Variants in PDE8A observed in about 807,000 individuals in gnomAD.
The protein encoded by PDE8A is high affinity cAMP-specific and IBMX-insensitive 3',5'-cyclic phosphodiesterase 8A.
A neutral mutation model predicts 105.0 loss-of-function variants in PDE8A; 59 were observed. The ratio of observed to expected loss-of-function variants is 0.56; its 90% CI spans 0.46 to 0.70. The LOEUF is 0.70. Ranked by LOEUF, PDE8A falls within the 30% of genes least tolerant of loss-of-function variation. The pLI, the probability that PDE8A is intolerant of heterozygous loss-of-function variation, is 0.00. For missense variants in PDE8A, 1,014 were observed against 1,045.9 expected (o/e 0.97, Z 0.42); for synonymous variants, 355 against 371.9 (o/e 0.95, Z 0.52).
At chr15:85,124,753 C>T (rs1314197303) in intron 19 of PDE8A, among the ~76,000 whole-genome samples, 2 of 152,198 alleles carry the variant, frequency 1.3e-5, no homozygotes, top group African/African-American at 4.8e-5. Flanking sequence ...TTTATTGGCT[C>T]CTGCCCTGCC....
intron 11 of PDE8A, among the ~76,000 whole-genome samples, chr15:85,103,452 C>T (rs937982493): frequency 3.3e-5 from 5 of 152,204 alleles, no homozygotes; most frequent in African/African-American, 1.2e-4. Flanking sequence ...ACCCCCTTAG[C>T]AGCATAACCA....
chr15:85,052,206 T>C (rs2080986995), intron 1 of PDE8A, among the ~76,000 whole-genome samples: 1 of 152,254 alleles, frequency 6.6e-6, no homozygotes, highest in African/African-American at 2.4e-5. Flanking sequence ...CCACATTTGC[T>C]TAATCCAGTC....
At chr15:85,104,134 A>C (rs2081910593) in intron 11 of PDE8A, among the ~76,000 whole-genome samples, 1 of 152,238 alleles carries the variant, frequency 6.6e-6, no homozygotes, top group Admixed American at 6.5e-5. Flanking sequence ...CAGTCTATTG[A>C]CTTGTTCTAG....
intron 1 of PDE8A, among the ~76,000 whole-genome samples, chr15:85,007,777 T>C (rs890976842): frequency 3.9e-5 from 6 of 152,120 alleles, no homozygotes; most frequent in African/African-American, 1.2e-4. Flanking sequence ...TGCGTATTAT[T>C]ATTTTTTAAA....
intron 19 of PDE8A, among the ~76,000 whole-genome samples, chr15:85,124,613 CACTT>C (rs1483650014): frequency 6.6e-6 from 1 of 152,202 alleles, no homozygotes; most frequent in East Asian, 1.9e-4. Context: ...TACCCCATGA[CACTT>C]ACTTTGGTTT....
chr15:85,066,584 ACACACACACACACACACACACACAC>A (rs2081230063), intron 2 of PDE8A, among the ~76,000 whole-genome samples: 1 of 1,874 alleles, frequency 5.3e-4, no homozygotes, highest in South Asian at 0.033. Flanking sequence ...TCCCCCCAAA[ACACACACACACACACACACACACAC>A]ACACACACAC....
chr15:85,017,303 A>G (rs922701951), intron 1 of PDE8A, among the ~76,000 whole-genome samples: 5 of 151,822 alleles, frequency 3.3e-5, no homozygotes, highest in Non-Finnish European at 7.4e-5. Flanking sequence ...GTTGATTTTG[A>G]TATGTTTCTT....
In PDE8A at chr15:84,987,569, C is replaced by T. The variant is rs996424346; in HGVS notation, c.186+5221C>T. On this transcript the variant is annotated intron_variant, in intron 1 of 21. Transcript: ENST00000394553. ...TTACCACAACCTCCGCCTCCCGGGT[C>T]GAAGCAATTCGCATGCCTTAGCCTC... is the stretch of plus-strand genomic sequence containing the variant. Among the ~76,000 whole-genome samples the T allele has an allele frequency of 4.7e-5, 7 of 148,818 alleles. No homozygotes were observed. The South Asian group carries it at 1.1e-3, about 23-fold the overall frequency.
chr15:85,055,439 G>T (rs2081045026), intron 1 of PDE8A, among the ~76,000 whole-genome samples: 1 of 152,154 alleles, frequency 6.6e-6, no homozygotes, highest in South Asian at 2.1e-4. Context: ...TATTGTGTGG[G>T]AGTCTAAGTC....
intron 1 of PDE8A, among the ~76,000 whole-genome samples, chr15:85,000,856 T>G (rs556566976): frequency 7.2e-5 from 11 of 152,310 alleles, no homozygotes; most frequent in African/African-American, 2.6e-4. Context: ...TTTCTGGAAT[T>G]TTTATCCCAC....
intron 1 of PDE8A, among the ~76,000 whole-genome samples, chr15:85,012,947 T>C (rs2080265395): frequency 6.6e-6 from 1 of 152,242 alleles, no homozygotes; most frequent in Non-Finnish European, 1.5e-5. Context: ...GGGAGAATTT[T>C]GGAGAACCTG....
chr15:85,066,583 AACACAC>A (rs57124766), intron 2 of PDE8A, among the ~76,000 whole-genome samples: 4,557 of 116,772 alleles, frequency 0.039, 174 homozygotes, highest in Middle Eastern at 0.093. Flanking sequence ...ATCCCCCCAA[AACACAC>A]ACACACACAC....
At chr15:84,984,122 G>T (rs935001880) in intron 1 of PDE8A, among the ~76,000 whole-genome samples, 1 of 152,300 alleles carries the variant, frequency 6.6e-6, no homozygotes, top group East Asian at 1.9e-4. Flanking sequence ...TTCAGTCATT[G>T]GAATTTGATT....
At chr15:85,040,562 A>AT (rs535874533) in intron 1 of PDE8A, among the ~76,000 whole-genome samples, 23,592 of 132,802 alleles carry the variant, frequency 0.18, 4,944 homozygotes, top group African/African-American at 0.5. Context: ...GTGCTTATGT[A>AT]TTTTTTTTTT....
chr15:85,041,797 A>C (rs539621556), intron 1 of PDE8A, among the ~76,000 whole-genome samples: 3 of 152,258 alleles, frequency 2.0e-5, no homozygotes, highest in Admixed American at 2.0e-4. Flanking sequence ...ATGATTGTCC[A>C]AGGCTGGGGC....
chr15:85,135,315 A>G (rs570997325), intron 20 of PDE8A, among the ~76,000 whole-genome samples: 2 of 151,748 alleles, frequency 1.3e-5, no homozygotes, highest in African/African-American at 4.8e-5. Context: ...GCACTCAGCT[A>G]CCCTTCTCCC....
At chr15:85,053,074 G>A (rs931697387) in intron 1 of PDE8A, among the ~76,000 whole-genome samples, 1 of 152,154 alleles carries the variant, frequency 6.6e-6, no homozygotes, top group Admixed American at 6.6e-5. Flanking sequence ...TTATTAAATA[G>A]GGAATCCTTT....
At chr15:85,009,197 A>G (rs1435387580) in intron 1 of PDE8A, among the ~76,000 whole-genome samples, 1 of 151,784 alleles carries the variant, frequency 6.6e-6, no homozygotes, top group African/African-American at 2.4e-5. Context: ...AGAGCTAGGT[A>G]ATTTTTATTT....
chr15:85,134,937 T>A (rs1019983757), intron 20 of PDE8A, among the ~76,000 whole-genome samples: 1 of 152,018 alleles, frequency 6.6e-6, no homozygotes, highest in Non-Finnish European at 1.5e-5. Flanking sequence ...AAAAAGGCAA[T>A]GGAGTCAGCG....
Sources: allele counts gnomAD v4.1 joint callset (sites outside exome capture counted in the v4.1 genomes callset), GRCh38; gene constraint gnomAD v4.1.1; transcripts MANE v1.5; gene names NCBI Gene and HGNC (gene_info 2026-07-23, HGNC 2026-07-21).